KPNA6: variants seen among roughly 807,000 people sequenced by gnomAD.
KPNA6 encodes the protein importin subunit alpha-7.
In KPNA6, 9 loss-of-function variants were observed where a neutral mutation model predicts 72.0. The ratio of observed to expected loss-of-function variants is 0.13; its 90% CI spans 0.08 to 0.22. The LOEUF is 0.22. Among genes scored for constraint, KPNA6 ranks in the 10% least tolerant of loss-of-function variants. The pLI, the probability that KPNA6 is intolerant of heterozygous loss-of-function variation, is 1.00. For synonymous variants in KPNA6, 219 were observed against 242.1 expected, an observed-to-expected ratio of 0.90 and a Z score of 0.89; for missense variants, 374 against 655.7, an observed-to-expected ratio of 0.57 and a Z score of 4.69.
intron 1 of KPNA6, among the ~76,000 whole-genome samples, chr1:32,131,476 C>G (rs974060627): frequency 6.6e-6 from 1 of 152,036 alleles, no homozygotes; most frequent in Non-Finnish European, 1.5e-5. Flanking sequence ...AAGTGAGACC[C>G]TGTCTCTACT....
In KPNA6 at chr1:32,158,331, T is replaced by G; in HGVS notation, c.396T>G (p.Phe132Leu). The change falls in exon 5 of 14, where the codon TTT (phenylalanine) becomes TTG (leucine). Residue 132 changes from phenylalanine to leucine, a missense_variant. By Grantham distance (22) the Phe-to-Leu change is conservative. Around this residue, in one of 3 missense-constraint regions of KPNA6, gnomAD observed 298 missense variants for 495.4 expected, o/e 0.60. Transcript: ENST00000373625. ...GAGTGGTGGATCGGTTCGTGGAGTT[T>G]CTGAAGAGGAATGAGAATTGTACAT... is the stretch of plus-strand genomic sequence containing the variant. ...TPRVVDRFVEFLKRNENCTLQ... is the reference protein window; with the variant it reads ...TPRVVDRFVELLKRNENCTLQ... 6.2e-7 allele frequency: 1 copy of G among 1,613,362 alleles called. No individual in the cohort carries two copies. Among genetic ancestry groups the G allele is most frequent in the Non-Finnish European group, 8.5e-7 (1 of 1,179,318 alleles).
At chr1:32,133,450 C>G (rs72875170) in intron 1 of KPNA6, among the ~76,000 whole-genome samples, 2 of 148,194 alleles carry the variant, frequency 1.3e-5, no homozygotes, top group African/African-American at 5.0e-5. Context: ...GAGGCCAAGG[C>G]CAGAGGATCA....
At chr1:32,109,737 C>T (rs1187453690) in intron 1 of KPNA6, among the ~76,000 whole-genome samples, 3 of 151,098 alleles carry the variant, frequency 2.0e-5, no homozygotes, top group East Asian at 2.0e-4. Context: ...ACCACCTTCC[C>T]GGGTTCACGC....
chr1:32,169,438 T>C (rs983357148), intron 12 of KPNA6, among the ~76,000 whole-genome samples: 11 of 148,760 alleles, frequency 7.4e-5, no homozygotes, highest in Non-Finnish European at 1.5e-4. Context: ...ACAATTCTTT[T>C]TTCTTTTCTT....
chr1:32,119,038 T>TC (rs1641386037), intron 1 of KPNA6, among the ~76,000 whole-genome samples: 5 of 115,566 alleles, frequency 4.3e-5, no homozygotes, highest in Non-Finnish European at 7.2e-5. Context: ...ATATATTTTT[T>TC]TTTTTTTTTT....
chr1:32,131,382 CTCATGCCTGTAA>C (rs1459610739), intron 1 of KPNA6, among the ~76,000 whole-genome samples: 2 of 149,792 alleles, frequency 1.3e-5, no homozygotes, highest in African/African-American at 4.9e-5. Context: ...GGCATGGTGG[CTCATGCCTGTAA>C]TCCCAACACT....
At chr1:32,157,311 G>C (rs1642162593) in intron 3 of KPNA6, 35 bp from the exon 4 acceptor site, 1 of 1,536,512 alleles carries the variant, frequency 6.5e-7, no homozygotes, top group Non-Finnish European at 9.0e-7. Context: ...CTCTAATGTT[G>C]GTTTGCAAAG....
chr1:32,112,522 C>T (rs1363397405), intron 1 of KPNA6, among the ~76,000 whole-genome samples: 1 of 151,922 alleles, frequency 6.6e-6, no homozygotes, highest in Non-Finnish European at 1.5e-5. Context: ...ACAGGCTGGC[C>T]CTGTCTGTCA....
At chr1:32,110,771 C>T (rs1003046489) in intron 1 of KPNA6, among the ~76,000 whole-genome samples, 1 of 152,110 alleles carries the variant, frequency 6.6e-6, no homozygotes, top group Non-Finnish European at 1.5e-5. Flanking sequence ...GTGGCGTGCT[C>T]CTGTAATCCC....
At chr1:32,123,739 T>TAAA (rs56952347) in intron 1 of KPNA6, among the ~76,000 whole-genome samples, 8,809 of 99,656 alleles carry the variant, frequency 0.088, 440 homozygotes, top group South Asian at 0.24. Context: ...GACCCTGTCT[T>TAAA]AAAAAAAAAA....
At chr1:32,110,472 T>C (rs1641227703) in intron 1 of KPNA6, among the ~76,000 whole-genome samples, 1 of 152,174 alleles carries the variant, frequency 6.6e-6, no homozygotes, top group African/African-American at 2.4e-5. Context: ...GTCACTTAAA[T>C]GTCAGACACA....
At chr1:32,154,218 CTGA>C (rs1270310769) in intron 1 of KPNA6, among the ~76,000 whole-genome samples, 1 of 151,834 alleles carries the variant, frequency 6.6e-6, no homozygotes, top group East Asian at 1.9e-4. Context: ...GCCACTGTGC[CTGA>C]TGTGTTCCTG....
intron 1 of KPNA6, among the ~76,000 whole-genome samples, chr1:32,151,314 A>G (rs796127092): frequency 9.2e-5 from 14 of 152,206 alleles, no homozygotes; most frequent in African/African-American, 3.4e-4. Flanking sequence ...GCCCTAAGTG[A>G]TCAGGGAGAA....
rs1642475417 is a variant in KPNA6 at position 32,173,554 on chromosome 1, A to G, written c.*2660A>G. 1 of 155,088 alleles carries G rather than the reference A, an allele frequency of 6.4e-6. No homozygotes were observed. Among genetic ancestry groups the G allele is most frequent in the African/African-American group, 2.4e-5 (1 of 41,590 alleles). The allele number at this position is 155,088 out of a possible 1,614,324, so 9.6% of individuals were successfully genotyped here. A position where few individuals can be genotyped will look rare whatever the true frequency, so the allele number is the denominator to read the frequency against. Reference sequence around the variant, plus strand: ...CTTCTCCAGACCAGGTTTTCCTGTTATCTTCCTTTAATCCCCTTTCAACCA... The same window carrying G: ...CTTCTCCAGACCAGGTTTTCCTGTTGTCTTCCTTTAATCCCCTTTCAACCA... On this transcript the variant is annotated 3_prime_UTR_variant, in exon 14 of 14. Coordinates refer to ENST00000373625, the MANE Select transcript of KPNA6 (RefSeq NM_012316.5).
At chr1:32,131,575 A>T (rs1318405402) in intron 1 of KPNA6, among the ~76,000 whole-genome samples, 1 of 151,926 alleles carries the variant, frequency 6.6e-6, no homozygotes, top group Non-Finnish European at 1.5e-5. Context: ...ACATATATGT[A>T]TGTGTATATA....
intron 1 of KPNA6, among the ~76,000 whole-genome samples, chr1:32,111,845 C>T (rs1276291734): frequency 1.3e-5 from 2 of 152,190 alleles, no homozygotes; most frequent in African/African-American, 4.8e-5. Context: ...ACTAGGTGCC[C>T]TGTAGGGGTG....
chr1:32,170,560 C>T, intron 13 of KPNA6, 147 bp from the exon 14 acceptor site: 1 of 649,200 alleles, frequency 1.5e-6, no homozygotes, highest in Non-Finnish European at 2.7e-6. Flanking sequence ...AATCTTAACT[C>T]TCCCCTTTCA....
intron 10 of KPNA6, among the ~76,000 whole-genome samples, chr1:32,163,565 G>A (rs953486523): frequency 1.3e-5 from 2 of 152,194 alleles, no homozygotes; most frequent in African/African-American, 2.4e-5. Context: ...GGAAAACTAA[G>A]TGGAATAACT....
chr1:32,150,673 C>T (rs1205198618), intron 1 of KPNA6, among the ~76,000 whole-genome samples: 1 of 152,088 alleles, frequency 6.6e-6, no homozygotes, highest in East Asian at 1.9e-4. Context: ...TGTCACCAGG[C>T]TGGAGTGCAG....
Sources: gnomAD v4.1 joint callset for allele counts (sites outside exome capture counted in the v4.1 genomes callset) on GRCh38, gnomAD v4.1.1 for gene constraint, gnomAD v4.1.1 regional missense constraint, MANE v1.5 for transcripts, NCBI Gene and HGNC (gene_info 2026-07-23, HGNC 2026-07-21) for gene names.